The following BCAR3 variants were observed in gnomAD, a reference collection of about 807,000 sequenced individuals.
BCAR3 encodes the protein BCAR3 adaptor protein, NSP family member, also known as breast cancer anti-estrogen resistance protein 3.
In BCAR3, 37 loss-of-function variants were observed where a neutral mutation model predicts 80.1. The ratio of observed to expected loss-of-function variants is 0.46; its 90% CI spans 0.36 to 0.61. BCAR3 has a LOEUF of 0.61. BCAR3 is among the 20% of genes least tolerant of loss of function. The pLI, the probability that BCAR3 is intolerant of heterozygous loss-of-function variation, is 0.00. For synonymous variants in BCAR3, 389 were observed against 418.9 expected (o/e 0.93, Z 0.87); for missense variants, 978 against 1,068.2 (o/e 0.92, Z 1.18).
At chr1:93,689,241 C>T (rs1649083158) in intron 3 of BCAR3, among the ~76,000 whole-genome samples, 1 of 151,948 alleles carries the variant, frequency 6.6e-6, no homozygotes, top group South Asian at 2.1e-4. Context: ...AATCCCAGCA[C>T]TTTGGGAGGT....
chr1:93,746,292 C>G (rs953560168), intron 2 of BCAR3, among the ~76,000 whole-genome samples: 9 of 152,212 alleles, frequency 5.9e-5, no homozygotes, highest in African/African-American at 1.4e-4. Context: ...AAGAGATGCA[C>G]TGGGCTAAGA....
chr1:93,646,007 T>A (rs1026592358), intron 2 of BCAR3, among the ~76,000 whole-genome samples: 1 of 152,108 alleles, frequency 6.6e-6, no homozygotes, highest in African/African-American at 2.4e-5. Flanking sequence ...ATAAAATGTA[T>A]TTCTATCAGC....
At chr1:93,749,310 T>G (rs948121082) in intron 2 of BCAR3, among the ~76,000 whole-genome samples, 18 of 152,066 alleles carry the variant, frequency 1.2e-4, no homozygotes, top group Admixed American at 5.2e-4. Flanking sequence ...AATCATGGGC[T>G]GGCCGAGGTG....
intron 2 of BCAR3, among the ~76,000 whole-genome samples, chr1:93,814,817 T>C (rs1434212150): frequency 6.6e-6 from 1 of 152,160 alleles, no homozygotes; most frequent in Non-Finnish European, 1.5e-5. Context: ...AAACCAGGCA[T>C]CAAACAGGTT....
chr1:93,668,992 A>C (rs1242329388), intron 2 of BCAR3, among the ~76,000 whole-genome samples: 1 of 152,164 alleles, frequency 6.6e-6, no homozygotes, highest in Non-Finnish European at 1.5e-5. Flanking sequence ...GAATACAGGC[A>C]ATGAGCCACC....
At chr1:93,715,635 G>A (rs1650166301) in intron 2 of BCAR3, among the ~76,000 whole-genome samples, 1 of 152,324 alleles carries the variant, frequency 6.6e-6, no homozygotes, top group African/African-American at 2.4e-5. Flanking sequence ...CTGGCCCACA[G>A]CAGACACTCG....
chr1:93,639,954 TG>T (rs1196607812), intron 3 of BCAR3, among the ~76,000 whole-genome samples: 4 of 152,132 alleles, frequency 2.6e-5, no homozygotes, highest in Non-Finnish European at 4.4e-5. Context: ...TTTGGCTTCT[TG>T]ATGCTTGTTT....
At chr1:93,772,473 A>G (rs1236322992) in intron 2 of BCAR3, among the ~76,000 whole-genome samples, 1 of 152,208 alleles carries the variant, frequency 6.6e-6, no homozygotes, top group Non-Finnish European at 1.5e-5. Context: ...TAGCAGGGTT[A>G]GCTCTTTCCC....
In BCAR3 at chr1:93,581,163, GA is replaced by G. The variant is rs66616010; in HGVS notation, c.1686+1137del. On this transcript the variant is annotated intron_variant, in intron 7 of 11. Coordinates refer to ENST00000260502, the MANE Select transcript of BCAR3 (RefSeq NM_003567.4). ...GGTGACAGAGTGAGACCCTGTCTCA[GA>G]AAAAAAAAAAAAGGTGACAATGTAA... 1.4e-3 allele frequency among the ~76,000 whole-genome samples: 176 copies of G among 122,568 alleles called. 1 individual carries two copies. The highest frequency in any genetic ancestry group is 2.6e-3 in the Admixed American group (30 of 11,664). The allele number at this position is 122,568 out of a possible 152,430, so 80.4% of individuals were successfully genotyped here.
At chr1:93,780,898 G>A (rs1652740304) in intron 2 of BCAR3, among the ~76,000 whole-genome samples, 1 of 152,140 alleles carries the variant, frequency 6.6e-6, no homozygotes, top group Non-Finnish European at 1.5e-5. Context: ...AAACAGCCTT[G>A]TCCTGATTCC....
At chr1:93,672,791 A>G (rs1648276567) in intron 2 of BCAR3, among the ~76,000 whole-genome samples, 1 of 152,210 alleles carries the variant, frequency 6.6e-6, no homozygotes, top group Admixed American at 6.5e-5. Flanking sequence ...GAAGCAGTTC[A>G]GGGCTCTCTA....
At chr1:93,652,717 T>C (rs1424064485) in intron 2 of BCAR3, among the ~76,000 whole-genome samples, 4 of 152,188 alleles carry the variant, frequency 2.6e-5, no homozygotes, top group Non-Finnish European at 5.9e-5. Flanking sequence ...GCATCTCTAC[T>C]TGCAACGGAG....
chr1:93,588,765 C>A (rs1208425359), intron 5 of BCAR3, among the ~76,000 whole-genome samples: 1 of 152,098 alleles, frequency 6.6e-6, no homozygotes, highest in African/African-American at 2.4e-5. Context: ...CAGCACCCCC[C>A]GAAATTCTTC....
intron 2 of BCAR3, among the ~76,000 whole-genome samples, chr1:93,838,830 A>G (rs1206528848): frequency 2.0e-5 from 3 of 152,240 alleles, no homozygotes; most frequent in African/African-American, 4.8e-5. Context: ...GAGATATAAT[A>G]AAATGCACAG....
intron 3 of BCAR3, among the ~76,000 whole-genome samples, chr1:93,624,005 C>T (rs1675387039): frequency 6.6e-6 from 1 of 152,080 alleles, no homozygotes; most frequent in Admixed American, 6.5e-5. Flanking sequence ...AATTGAGTTG[C>T]CTTGAGTTTT....
intron 3 of BCAR3, among the ~76,000 whole-genome samples, chr1:93,704,559 T>C (rs1649769460): frequency 6.6e-6 from 1 of 152,184 alleles, no homozygotes; most frequent in Non-Finnish European, 1.5e-5. Context: ...ACTTAGCTAT[T>C]ATACTACACT....
chr1:93,778,362 A>T (rs2747037), intron 2 of BCAR3, among the ~76,000 whole-genome samples: 91,656 of 152,116 alleles, frequency 0.6, 28,875 homozygotes, highest in East Asian at 0.79. Flanking sequence ...TTACAATTTT[A>T]AAAATTTTAT....
intron 1 of BCAR3, among the ~76,000 whole-genome samples, chr1:93,846,091 T>C (rs1409086795): frequency 6.6e-6 from 1 of 152,178 alleles, no homozygotes; most frequent in Non-Finnish European, 1.5e-5. Flanking sequence ...CCCTTCTTTA[T>C]ATTATAAAGG....
At chr1:93,784,851 G>C (rs547484041) in intron 2 of BCAR3, among the ~76,000 whole-genome samples, 4 of 152,338 alleles carry the variant, frequency 2.6e-5, no homozygotes, top group Non-Finnish European at 5.9e-5. Context: ...TTAGCTCTAG[G>C]CAAGATTGTG....
Sources: gnomAD v4.1 joint callset for allele counts (sites outside exome capture counted in the v4.1 genomes callset) on GRCh38, gnomAD v4.1.1 for gene constraint, MANE v1.5 for transcripts, NCBI Gene and HGNC (gene_info 2026-07-23, HGNC 2026-07-21) for gene names.